KAZN: variants seen among roughly 807,000 people sequenced by gnomAD.
KAZN encodes the protein kazrin.
In KAZN, 40 loss-of-function variants were observed where a neutral mutation model predicts 87.4. That is an observed-to-expected ratio of 0.46 (90% CI 0.36 to 0.60). The LOEUF (loss-of-function observed/expected upper bound fraction) is 0.60. KAZN is among the 20% of genes least tolerant of loss of function. The probability of loss-of-function intolerance (pLI) is 0.00; values close to 1 mark genes in which losing one functional copy is unlikely to be tolerated. For missense variants in KAZN, 898 were observed against 1,073.9 expected (o/e 0.84, Z 2.29); for synonymous variants, 466 against 458.3 (o/e 1.02, Z -0.22).
chr1:14,608,495 A>G (rs1188066876), intron 1 of KAZN, among the ~76,000 whole-genome samples: 1 of 152,236 alleles, frequency 6.6e-6, no homozygotes, highest in African/African-American at 2.4e-5. Context: ...AAAATACACT[A>G]ATTTCACCAC....
intron 1 of KAZN, among the ~76,000 whole-genome samples, chr1:13,944,423 A>G (rs1166342311): frequency 6.6e-6 from 1 of 152,232 alleles, no homozygotes; most frequent in Non-Finnish European, 1.5e-5. Context: ...CGGGGGGTAA[A>G]TTGCTATAAA....
At chr1:14,300,078 A>G (rs907259372) in intron 2 of KAZN, among the ~76,000 whole-genome samples, 4 of 152,094 alleles carry the variant, frequency 2.6e-5, no homozygotes, top group Admixed American at 1.3e-4. Context: ...TCACAAACGC[A>G]AAGGTGCTGT....
chr1:14,931,605 T>A (rs1659831869), intron 1 of KAZN, among the ~76,000 whole-genome samples: 2 of 151,992 alleles, frequency 1.3e-5, no homozygotes, highest in Admixed American at 1.3e-4. Context: ...ATTCTCAGGC[T>A]CCCCTCCTCC....
intron 1 of KAZN, among the ~76,000 whole-genome samples, chr1:14,137,622 A>T (rs935830090): frequency 2.0e-5 from 3 of 151,760 alleles, no homozygotes; most frequent in Admixed American, 6.6e-5. Context: ...GGGGATGACC[A>T]CAGAGATTGG....
chr1:14,462,465 AC>A (rs1667908177), intron 2 of KAZN, among the ~76,000 whole-genome samples: 1 of 152,164 alleles, frequency 6.6e-6, no homozygotes, highest in African/African-American at 2.4e-5. Context: ...ATTCTGTCAG[AC>A]CTAGAATATT....
rs778128557 is a variant in KAZN at position 15,056,313 on chromosome 1, C to T, written c.916+33C>T. On this transcript the variant is annotated intron_variant, in intron 5 of 14. Coordinates refer to ENST00000376030, the MANE Select transcript of KAZN (RefSeq NM_201628.3). The surrounding 1 kb of genome is among the most constrained non-coding windows in gnomAD (Gnocchi z 5.4). ...CTGCCCTGGCCTGGCTCCACCACGG[C>T]TTCGAGGGGCTTCACAGGAGGCCAT... 5 of 1,557,028 alleles carry T rather than the reference C, an allele frequency of 3.2e-6. No homozygotes were observed. In the Admixed American group the frequency reaches 8.9e-5, roughly 28 times the overall value.
upstream of KAZN, among the ~76,000 whole-genome samples, chr1:14,597,816 G>A (rs903191477): frequency 6.6e-6 from 1 of 152,144 alleles, no homozygotes; most frequent in African/African-American, 2.4e-5. Context: ...CTGGAATCCA[G>A]GGCCCCAGTG....
At chr1:14,236,599 C>T (rs1648442589) in intron 2 of KAZN, among the ~76,000 whole-genome samples, 1 of 152,156 alleles carries the variant, frequency 6.6e-6, no homozygotes, top group Non-Finnish European at 1.5e-5. Flanking sequence ...TGACTTGAAG[C>T]TAATTTCATC....
At chr1:14,714,786 C>CT (rs1307881138) in intron 1 of KAZN, among the ~76,000 whole-genome samples, 1,729 of 131,114 alleles carry the variant, frequency 0.013, 25 homozygotes, top group African/African-American at 0.044. Flanking sequence ...TTTTCTTTTT[C>CT]TTTTTTTTTT....
chr1:15,022,968 C>T (rs1053325405), intron 2 of KAZN, among the ~76,000 whole-genome samples: 3 of 152,232 alleles, frequency 2.0e-5, no homozygotes, highest in African/African-American at 7.2e-5. Flanking sequence ...TACCTGTTAA[C>T]CCTTTCCTTT....
At chr1:14,585,593 G>A (rs1397742670) in intron 2 of KAZN, among the ~76,000 whole-genome samples, 3 of 152,164 alleles carry the variant, frequency 2.0e-5, no homozygotes, top group Non-Finnish European at 4.4e-5. Flanking sequence ...CAATCCAGGG[G>A]CCAAAGCAAG....
In KAZN at chr1:13,921,632, A is replaced by AT. The variant is rs74848873; in HGVS notation, c.91+27887dup. 3.9e-3 allele frequency among the ~76,000 whole-genome samples: 575 copies of AT among 145,954 alleles called. 3 individuals are homozygous for AT. The highest frequency in any genetic ancestry group is 8.8e-3 in the African/African-American group (353 of 39,980). On this transcript the variant is annotated intron_variant, in intron 1 of 16. Transcript: ENST00000636203. ...CCTGCCTTGCACTATAGTTGTTTGC[A>AT]TTTTTTTTTTTGAAATGGAGTCTTG...
intron 1 of KAZN, among the ~76,000 whole-genome samples, chr1:14,807,371 C>T (rs1180402073): frequency 1.3e-5 from 2 of 152,180 alleles, no homozygotes; most frequent in African/African-American, 4.8e-5. Context: ...CACTTAGTAT[C>T]CTGTAATAAA....
intron 1 of KAZN, among the ~76,000 whole-genome samples, chr1:14,718,842 T>C (rs977113170): frequency 3.9e-5 from 6 of 152,120 alleles, no homozygotes; most frequent in South Asian, 4.1e-4. Context: ...GCTGGATCCT[T>C]AGGGGACATC....
chr1:14,734,389 C>T (rs1031323640), intron 1 of KAZN, among the ~76,000 whole-genome samples: 2 of 151,698 alleles, frequency 1.3e-5, no homozygotes, highest in African/African-American at 2.4e-5. Context: ...CTGCAACCTC[C>T]GCTTCCCGGG....
chr1:14,670,705 C>CATGTGGATT (rs1191168673), intron 1 of KAZN, among the ~76,000 whole-genome samples: 1 of 152,170 alleles, frequency 6.6e-6, no homozygotes, highest in African/African-American at 2.4e-5. Flanking sequence ...TAGGCCAGTG[C>CATGTGGATT]ATGTGGATTT....
chr1:14,132,197 T>C (rs1273129417), intron 1 of KAZN, among the ~76,000 whole-genome samples: 1 of 152,178 alleles, frequency 6.6e-6, no homozygotes, highest in Non-Finnish European at 1.5e-5. Flanking sequence ...ACACCCCATC[T>C]CCTGTCTCCA....
intron 1 of KAZN, among the ~76,000 whole-genome samples, chr1:14,689,023 A>G (rs1641126808): frequency 6.6e-6 from 1 of 152,056 alleles, no homozygotes; most frequent in Non-Finnish European, 1.5e-5. Context: ...ACAAAACCCC[A>G]TCTCTACTAA....
chr1:14,592,432 G>A (rs1339327101), intron 2 of KAZN, among the ~76,000 whole-genome samples: 8 of 152,188 alleles, frequency 5.3e-5, no homozygotes, highest in African/African-American at 1.7e-4. Flanking sequence ...ACTTCATGAC[G>A]CATCAGATTC....
Sources: gnomAD v4.1 joint callset for allele counts (sites outside exome capture counted in the v4.1 genomes callset) on GRCh38, gnomAD v4.1.1 for gene constraint, Gnocchi (gnomAD v3.1) non-coding constraint, MANE v1.5 for transcripts, NCBI Gene and HGNC (gene_info 2026-07-23, HGNC 2026-07-21) for gene names.